NRG3: variants seen among roughly 807,000 people sequenced by gnomAD.
NRG3 encodes pro-neuregulin-3, membrane-bound isoform.
Under a neutral mutation model 66.9 loss-of-function variants are expected in NRG3, and 31 were observed. The ratio of observed to expected loss-of-function variants is 0.46; its 90% CI spans 0.35 to 0.63. The LOEUF (loss-of-function observed/expected upper bound fraction) is 0.63, where lower values mean the gene tolerates loss of function less well. Ranked by LOEUF, NRG3 falls within the 20% of genes least tolerant of loss-of-function variation. The probability of loss-of-function intolerance (pLI) is 0.00; values close to 1 mark genes in which losing one functional copy is unlikely to be tolerated. For missense variants in NRG3, 910 were observed against 878.9 expected (o/e 1.04, Z -0.45); for synonymous variants, 393 against 359.4 (o/e 1.09, Z -1.06).
chr10:81,937,656 T>C (rs1013595014), intron 1 of NRG3, among the ~76,000 whole-genome samples: 3 of 152,146 alleles, frequency 2.0e-5, no homozygotes, highest in Admixed American at 6.5e-5. Context: ...ATTAACCCTT[T>C]ATTAGATATA....
intron 2 of NRG3, among the ~76,000 whole-genome samples, chr10:82,670,996 C>T (rs529276294): frequency 1.3e-5 from 2 of 152,264 alleles, no homozygotes; most frequent in South Asian, 4.1e-4. Context: ...ACAGTAAGTC[C>T]ACCTCTGGGA....
Position 82,867,678 on chromosome 10 carries a change from A to G in NRG3, c.1054+2241A>G, listed in dbSNP as rs576910534. The stretch of plus-strand genomic sequence containing the variant: ...CAGCTAAAATAGGAGAACAAAAATA[A>G]AGAGTCAAAGAAGAGATTGAGAATG... On this transcript the variant is annotated intron_variant, in intron 4 of 8. Coordinates refer to ENST00000372141, the MANE Select transcript of NRG3 (RefSeq NM_001010848.4). 5.3e-5 allele frequency among the ~76,000 whole-genome samples: 8 copies of G among 152,308 alleles called. No homozygotes were observed. The East Asian group carries it at 1.2e-3, about 22-fold the overall frequency.
chr10:82,132,643 G>T (rs759709924), intron 1 of NRG3, among the ~76,000 whole-genome samples: 33 of 149,416 alleles, frequency 2.2e-4, no homozygotes, highest in Non-Finnish European at 4.2e-4. Context: ...GTTTAAGTAG[G>T]ATTGGTATTA....
chr10:82,199,873 CATGT>C (rs753394820), intron 1 of NRG3, among the ~76,000 whole-genome samples: 6 of 109,464 alleles, frequency 5.5e-5, no homozygotes, highest in Admixed American at 9.1e-5. Context: ...TGAGAGTGTG[CATGT>C]GTGTGTGTGT....
chr10:82,633,074 A>G (rs1428306663), intron 2 of NRG3, among the ~76,000 whole-genome samples: 1 of 152,188 alleles, frequency 6.6e-6, no homozygotes, highest in South Asian at 2.1e-4. Context: ...TGTACCTCCA[A>G]GCATCACATT....
intron 4 of NRG3, among the ~76,000 whole-genome samples, chr10:82,907,186 C>T (rs1844817170): frequency 6.6e-6 from 1 of 152,132 alleles, no homozygotes; most frequent in Non-Finnish European, 1.5e-5. Flanking sequence ...TTCTTGGACT[C>T]TTTGCTGTCT....
At chr10:82,715,514 A>AT (rs1312846498) in intron 2 of NRG3, among the ~76,000 whole-genome samples, 2 of 152,280 alleles carry the variant, frequency 1.3e-5, no homozygotes, top group South Asian at 2.1e-4. Flanking sequence ...GGTTTCTATG[A>AT]TTTTCAAATA....
At chr10:82,868,854 A>G (rs1405125739) in intron 4 of NRG3, among the ~76,000 whole-genome samples, 5 of 152,098 alleles carry the variant, frequency 3.3e-5, no homozygotes, top group African/African-American at 1.2e-4. Context: ...CACCACGCTC[A>G]ACTAATTTTT....
chr10:82,007,683 T>G (rs1028198999), intron 1 of NRG3, among the ~76,000 whole-genome samples: 1 of 152,200 alleles, frequency 6.6e-6, no homozygotes, highest in Non-Finnish European at 1.5e-5. Context: ...CTTTTAATCC[T>G]TCTACATTTT....
intron 2 of NRG3, among the ~76,000 whole-genome samples, chr10:82,712,161 T>C (rs1176883068): frequency 6.6e-6 from 1 of 151,152 alleles, no homozygotes; most frequent in Non-Finnish European, 1.5e-5. Context: ...AAATATTTTC[T>C]TCTAAATATA....
rs188687046 is a variant in NRG3 at position 82,500,008 on chromosome 10, A to G, written c.953+141140A>G. On this transcript the variant is annotated intron_variant, in intron 2 of 8. Coordinates refer to ENST00000372141, the MANE Select transcript of NRG3 (RefSeq NM_001010848.4). ...GCTGAGACAAATGACCTTGAAAACT[A>G]TATATGAATAAGGGCTAAAGTGTCA... is the stretch of plus-strand genomic sequence containing the variant. Among the ~76,000 whole-genome samples the G allele has an allele frequency of 1.2e-3, 181 of 152,332 alleles. 1 individual carries two copies. The highest frequency in any genetic ancestry group is 4.0e-3 in the African/African-American group (168 of 41,578).
intron 2 of NRG3, among the ~76,000 whole-genome samples, chr10:82,465,009 G>A (rs1023603270): frequency 6.6e-6 from 1 of 152,198 alleles, no homozygotes; most frequent in Non-Finnish European, 1.5e-5. Context: ...TCCTGGGGGT[G>A]GTAGTAGGGA....
intron 1 of NRG3, among the ~76,000 whole-genome samples, chr10:82,057,137 C>T (rs2063882941): frequency 6.6e-6 from 1 of 152,006 alleles, no homozygotes; most frequent in South Asian, 2.1e-4. Context: ...TTTCCATCAC[C>T]CCTTATATGT....
At chr10:82,543,194 G>GGA (rs2043663653) in intron 2 of NRG3, among the ~76,000 whole-genome samples, 1 of 152,016 alleles carries the variant, frequency 6.6e-6, no homozygotes, top group East Asian at 1.9e-4. Flanking sequence ...GCCCAGCCTA[G>GGA]ATCATTTTTT....
At chr10:82,174,015 C>G (rs1020442220) in intron 1 of NRG3, among the ~76,000 whole-genome samples, 1 of 152,108 alleles carries the variant, frequency 6.6e-6, no homozygotes, top group African/African-American at 2.4e-5. Flanking sequence ...TTCAGGTTCT[C>G]ATGCATCATC....
chr10:82,051,900 C>G (rs80286494), intron 1 of NRG3, among the ~76,000 whole-genome samples: 2 of 152,232 alleles, frequency 1.3e-5, no homozygotes, highest in African/African-American at 2.4e-5. Context: ...GCAATACACA[C>G]CTTTCCCCAC....
intron 1 of NRG3, among the ~76,000 whole-genome samples, chr10:81,892,199 T>C (rs1335980077): frequency 6.6e-6 from 1 of 152,104 alleles, no homozygotes; most frequent in Admixed American, 6.6e-5. Context: ...AGGTGTGCTA[T>C]TGCCAAGTGT....
chr10:82,608,877 A>C (rs2048129169), intron 2 of NRG3, among the ~76,000 whole-genome samples: 1 of 152,146 alleles, frequency 6.6e-6, no homozygotes, highest in Admixed American at 6.5e-5. Flanking sequence ...TCTTTAAAAA[A>C]AATGTATCAC....
chr10:82,785,265 T>G (rs901595264), intron 3 of NRG3, among the ~76,000 whole-genome samples: 12 of 151,728 alleles, frequency 7.9e-5, no homozygotes, highest in African/African-American at 2.7e-4. Context: ...AATGACGAGT[T>G]AATGGGTGCA....
Sources: allele counts gnomAD v4.1 joint callset (sites outside exome capture counted in the v4.1 genomes callset), GRCh38; gene constraint gnomAD v4.1.1; transcripts MANE v1.5; gene names NCBI Gene and HGNC (gene_info 2026-07-23, HGNC 2026-07-21).